CHPF2: variants seen among roughly 807,000 people sequenced by gnomAD.
The protein encoded by CHPF2 is chondroitin polymerizing factor 2.
Under a neutral mutation model 63.0 loss-of-function variants are expected in CHPF2, and 58 were observed. The ratio of observed to expected loss-of-function variants is 0.92; its 90% CI spans 0.75 to 1.15. The LOEUF (loss-of-function observed/expected upper bound fraction) is 1.15. CHPF2 is among the 50% of genes most tolerant of loss of function. CHPF2 has a pLI of 0.00. For synonymous variants in CHPF2, 442 were observed against 438.0 expected (o/e 1.01, Z -0.11); for missense variants, 1,045 against 1,035.4 (o/e 1.01, Z -0.13).
chr7:151,235,456 TGGG>T lies in CHPF2; in HGVS notation c.675_677del (p.Gly226del), dbSNP rs771359355. 2 of 1,611,844 alleles carry T rather than the reference TGGG, an allele frequency of 1.2e-6. No homozygotes were observed. The highest frequency in any genetic ancestry group is 2.7e-5 in the African/African-American group (2 of 74,940). On this transcript the variant is annotated inframe_deletion, in exon 2 of 4. Coordinates refer to ENST00000035307, the MANE Select transcript of CHPF2 (RefSeq NM_019015.3). ...CAGGCGAGCAGGCCCGGTACTGTCA[TGGG>T]GGCTTTGGCTACCTGTTGTCACGGA...
chr7:151,235,685 C>T, intron 2 of CHPF2, 73 bp downstream of exon 2: 3 of 1,390,700 alleles, frequency 2.2e-6, no homozygotes, highest in South Asian at 1.3e-5. Flanking sequence ...TTCCTCCCAG[C>T]AGCACCTTAG....
At chr7:151,235,898 T>C (rs2150583199) in intron 2 of CHPF2, among the ~76,000 whole-genome samples, 1 of 152,350 alleles carries the variant, frequency 6.6e-6, no homozygotes, top group East Asian at 1.9e-4. Flanking sequence ...ACTTCAGTTA[T>C]GGCAGTGTGG....
intron 2 of CHPF2, 46 bp from the exon 3 acceptor site, chr7:151,236,362 T>A (rs1802647749): frequency 6.6e-7 from 1 of 1,506,166 alleles, no homozygotes; most frequent in Admixed American, 2.0e-5. Context: ...GGTTTGGGAC[T>A]GGCAGCTCTT....
chr7:151,233,778 G>GGGGTTAGTTCCGACACCT lies in CHPF2; in HGVS notation c.-233_-216dup. On this transcript the variant is annotated 5_prime_UTR_variant, in exon 1 of 4. Transcript: ENST00000035307. ...GTTTCATTTATTACCGTTTTGGCTG[G>GGGGTTAGTTCCGACACCT]GGGTTAGTTCCGACACCTTCACAGT... The GGGGTTAGTTCCGACACCT allele has an allele frequency of 8.1e-7, 1 of 1,229,796 alleles. No homozygotes were observed. Among genetic ancestry groups the GGGGTTAGTTCCGACACCT allele is most frequent in the Non-Finnish European group, 1.0e-6 (1 of 986,776 alleles). The allele number at this position is 1,229,796 out of a possible 1,614,324, so 76.2% of individuals were successfully genotyped here. A position where few individuals can be genotyped will look rare whatever the true frequency, so the allele number is the denominator to read the frequency against.
Position 151,237,937 on chromosome 7 carries a change from G to T in CHPF2, c.1575G>T (p.Leu525=), listed in dbSNP as rs150676215. ...LEPREHALLT[L]LLVYGPREGG... ...CACGAGAACATGCATTGCTCACCCT[G>T]TTGCTGGTCTACGGGCCACGAGAAG... Residue 525 remains leucine (L), a synonymous_variant, in exon 4 of 4, where the codon CTG becomes CTT. Coordinates refer to ENST00000035307, the MANE Select transcript of CHPF2 (RefSeq NM_019015.3). The T allele has an allele frequency of 3.1e-6, 5 of 1,612,996 alleles. No homozygotes were observed. The highest frequency in any genetic ancestry group is 1.7e-5 in the Admixed American group (1 of 60,018).
At position 151,235,116 on chromosome 7, in the gene CHPF2, C is replaced by A. The variant is rs777387959; in HGVS notation, c.332C>A (p.Ala111Asp). The A allele has an allele frequency of 3.1e-6, 5 of 1,607,698 alleles. No homozygotes were observed. The East Asian group carries it at 8.9e-5, about 29-fold the overall frequency. Residue 111 changes from alanine to aspartate, a missense_variant, in exon 2 of 4, where the codon GCT becomes GAT. Ala to Asp is a moderately radical substitution (Grantham distance 126, BLOSUM62 -2). Coordinates refer to ENST00000035307, the MANE Select transcript of CHPF2 (RefSeq NM_019015.3). ...RLLVAVLTSR[A>D]TLSTLAVAVN... ...CTGGTGGCTGTCCTGACCTCCCGAG[C>A]TACACTGTCCACTTTGGCCGTGGCT...
At position 151,238,007 on chromosome 7, in the gene CHPF2, G is replaced by A. The variant is rs778946163; in HGVS notation, c.1645G>A (p.Ala549Thr). 46 of 1,613,088 alleles carry A rather than the reference G, an allele frequency of 2.9e-5. 1 individual carries two copies. The South Asian group carries it at 4.0e-4, about 14-fold the overall frequency. The part of the protein sequence containing the change: ...PDPFLGVKAA[A>T]AELERRYPGT... Reference sequence around the variant, plus strand: ...CCCATTTCTTGGGGTGAAGGCTGCAGCAGCGGAGTTAGAGCGACGGTACCC... The same window carrying A: ...CCCATTTCTTGGGGTGAAGGCTGCAACAGCGGAGTTAGAGCGACGGTACCC... The change falls in exon 4 of 4, where the codon GCA becomes ACA. Residue 549 changes from alanine (A) to threonine (T), a missense_variant. Transcript: ENST00000035307.
In CHPF2 at chr7:151,233,838, C is replaced by T. The variant is rs1802546375; in HGVS notation, c.-174C>T. On this transcript the variant is annotated 5_prime_UTR_variant, in exon 1 of 4. Coordinates refer to ENST00000035307, the MANE Select transcript of CHPF2 (RefSeq NM_019015.3). ...GGCAGAAGGAGTTGTGAAGACAGGACAATCTTCTTGGGGATGCTGGTCCTG... is the reference window on the plus strand; with the variant it reads ...GGCAGAAGGAGTTGTGAAGACAGGATAATCTTCTTGGGGATGCTGGTCCTG... 9 of 1,260,458 alleles carry T rather than the reference C, an allele frequency of 7.1e-6. No individual in the cohort carries two copies. Among genetic ancestry groups the T allele is most frequent in the Non-Finnish European group, 9.0e-6 (9 of 1,004,282 alleles). The allele number at this position is 1,260,458 out of a possible 1,614,324, so 78.1% of individuals were successfully genotyped here. A position where few individuals can be genotyped will look rare whatever the true frequency, so the allele number is the denominator to read the frequency against.
Position 151,235,518 on chromosome 7 carries a change from G to A in CHPF2, c.734G>A (p.Gly245Asp), listed in dbSNP as rs1414041845. Residue 245 changes from glycine to aspartate, a missense_variant, in exon 2 of 4, where the codon GGC becomes GAC. Physicochemically the swap from Gly to Asp is moderately conservative, Grantham distance 94 (BLOSUM62 -1). Transcript: ENST00000035307. ...LLLRLRPHLD[G>D]CRGDILSARP... ...CTTCGTCTGCGGCCACATCTGGATG[G>A]CTGCCGAGGAGACATTCTCAGTGCC... 2 of 1,611,324 alleles carry A rather than the reference G, an allele frequency of 1.2e-6. No homozygotes were observed. Among genetic ancestry groups the A allele is most frequent in the Non-Finnish European group, 1.7e-6 (2 of 1,180,018 alleles).
intron 1 of CHPF2, 26 bp from the exon 2 acceptor site, chr7:151,235,022 C>T (rs1802588871): frequency 1.3e-6 from 2 of 1,514,512 alleles, no homozygotes; most frequent in South Asian, 2.6e-5. Context: ...AGGGAGTTGA[C>T]CTCTGGCACA....
intron 1 of CHPF2, among the ~76,000 whole-genome samples, 199 bp downstream of exon 1, chr7:151,234,473 G>C (rs751244663): frequency 4.6e-5 from 7 of 152,168 alleles, no homozygotes; most frequent in Non-Finnish European, 8.8e-5. Context: ...TGTTAAATTA[G>C]GGTTCGATGT....
At chr7:151,234,948 T>C in intron 1 of CHPF2, 100 bp from the exon 2 acceptor site, 1 of 909,462 alleles carries the variant, frequency 1.1e-6, no homozygotes. Context: ...GTTTCTCCCT[T>C]CTCAGCCCCA....
intron 1 of CHPF2, 110 bp downstream of exon 1, chr7:151,234,384 A>T: frequency 1.3e-6 from 1 of 743,244 alleles, no homozygotes; most frequent in Non-Finnish European, 2.0e-6. Flanking sequence ...ACTTGGAGCA[A>T]TTCTGGCTTA....
In CHPF2 at chr7:151,238,479, A is replaced by C; in HGVS notation, c.2117A>C (p.Asp706Ala). 6.3e-7 allele frequency: 1 copy of C among 1,589,356 alleles called. No individual in the cohort carries two copies. The highest frequency in any genetic ancestry group is 8.6e-7 in the Non-Finnish European group (1 of 1,164,906). ...EEALEGLEVMDVFLRFSGLHL... is the reference protein window; with the variant it reads ...EEALEGLEVMAVFLRFSGLHL... ...GCCCTGGAGGGGCTGGAGGTGATGG[A>C]TGTTTTCCTCCGGTTCTCAGGGCTC... is the stretch of plus-strand genomic sequence containing the variant. Residue 706 changes from aspartate to alanine, a missense_variant, in exon 4 of 4, where the codon GAT (aspartate) becomes GCT (alanine). Transcript: ENST00000035307.
In CHPF2 at chr7:151,232,711, G is replaced by A; in HGVS notation, c.-1301G>A. The A allele has an allele frequency of 8.0e-6, 12 of 1,490,928 alleles. No individual in the cohort carries two copies. Among genetic ancestry groups the A allele is most frequent in the South Asian group, 1.2e-5 (1 of 81,260 alleles). The allele number at this position is 1,490,928 out of a possible 1,614,324, so 92.4% of individuals were successfully genotyped here. A position where few individuals can be genotyped will look rare whatever the true frequency, so the allele number is the denominator to read the frequency against. On this transcript the variant is annotated 5_prime_UTR_variant, in exon 1 of 4. Coordinates refer to ENST00000035307, the MANE Select transcript of CHPF2 (RefSeq NM_019015.3). ...GCCGGCCCCCGGCCCTGAAACCCGGGCCTCCTCCCCGAGGGCCTTGGGCGT... is the reference window on the plus strand; with the variant it reads ...GCCGGCCCCCGGCCCTGAAACCCGGACCTCCTCCCCGAGGGCCTTGGGCGT...
In CHPF2 at chr7:151,234,379, G is replaced by A. The variant is rs1297890125; in HGVS notation, c.263+105G>A. On this transcript the variant is annotated intron_variant, in intron 1 of 3. Coordinates refer to ENST00000035307, the MANE Select transcript of CHPF2 (RefSeq NM_019015.3). ...TTGGCAATCGGCGTCGGGCGACTTG[G>A]AGCAATTCTGGCTTATTTTCCATCA... is the stretch of plus-strand genomic sequence containing the variant. The A allele has an allele frequency of 4.9e-6, 4 of 811,802 alleles. No homozygotes were observed. The East Asian group carries it at 1.2e-4, about 25-fold the overall frequency. 50.3% of individuals were successfully genotyped at this position (811,802 alleles called of 1,614,324 possible).
rs1802750693 is a variant in CHPF2, at chr7:151,238,252, G to A, written c.1890G>A (p.Leu630=). ...PVHFQEFNPA[L]SPQRSPPGPP... The stretch of plus-strand genomic sequence containing the variant: ...ATTTCCAGGAGTTCAATCCTGCCCT[G>A]TCACCACAGAGATCACCCCCAGGGC... Residue 630 remains leucine (L), a synonymous_variant, in exon 4 of 4, where the codon CTG becomes CTA. Transcript: ENST00000035307. 2 of 1,612,642 alleles carry A rather than the reference G, an allele frequency of 1.2e-6. No individual in the cohort carries two copies. Among genetic ancestry groups the A allele is most frequent in the Non-Finnish European group, 1.7e-6 (2 of 1,179,946 alleles).
chr7:151,238,457 C>T lies in CHPF2; in HGVS notation c.2095C>T (p.Leu699=). The change falls in exon 4 of 4, where the codon CTG becomes TTG. Residue 699 remains leucine (L), a synonymous_variant. Transcript: ENST00000035307. ...ELAGQEEEEA[L]EGLEVMDVFL... ...GGCAGGCCAGGAAGAGGAGGAAGCC[C>T]TGGAGGGGCTGGAGGTGATGGATGT... 6.3e-7 allele frequency: 1 copy of T among 1,578,792 alleles called. No individual in the cohort carries two copies. Among genetic ancestry groups the T allele is most frequent in the Non-Finnish European group, 8.6e-7 (1 of 1,159,014 alleles).
chr7:151,238,225 C>T lies in CHPF2; in HGVS notation c.1863C>T (p.Val621=), dbSNP rs759936961. The T allele has an allele frequency of 6.2e-7, 1 of 1,613,026 alleles. No homozygotes were observed. Among genetic ancestry groups the T allele is most frequent in the Non-Finnish European group, 8.5e-7 (1 of 1,180,016 alleles). Residue 621 remains valine, a synonymous_variant, in exon 4 of 4, where the codon GTC becomes GTT. Coordinates refer to ENST00000035307, the MANE Select transcript of CHPF2 (RefSeq NM_019015.3). ...CTGGCTGGCAGGCCTTCTTTCCAGT[C>T]CATTTCCAGGAGTTCAATCCTGCCC... ...AISGWQAFFP[V]HFQEFNPALS...
Sources: gnomAD v4.1 joint callset for allele counts (sites outside exome capture counted in the v4.1 genomes callset) on GRCh38, gnomAD v4.1.1 for gene constraint, MANE v1.5 for transcripts, NCBI Gene and HGNC (gene_info 2026-07-23, HGNC 2026-07-21) for gene names.